Variants in RHBDD1 observed in about 807,000 individuals in gnomAD.
The protein encoded by RHBDD1 is rhomboid domain containing 1, also known as rhomboid-related protein 4.
RHBDD1 carries 38 observed loss-of-function variants against 36.3 expected under a neutral mutation model. The observed-to-expected ratio is 1.05, with a 90% CI of 0.81 to 1.37. The LOEUF (loss-of-function observed/expected upper bound fraction) is 1.37. Among genes scored for constraint, RHBDD1 ranks in the 40% most tolerant of loss-of-function variants. The pLI is 0.00. For missense variants in RHBDD1, 393 were observed against 377.6 expected (o/e 1.04, Z -0.34); for synonymous variants, 151 against 136.5 (o/e 1.11, Z -0.74).
chr2:226,866,094 G>A (rs193130054), intron 4 of RHBDD1, among the ~76,000 whole-genome samples: 20 of 73,266 alleles, frequency 2.7e-4, no homozygotes, highest in Admixed American at 1.3e-3. Flanking sequence ...TTTTTGAGAC[G>A]GAGTCTCGCT....
At chr2:226,915,088 G>A (rs1948804555) in intron 8 of RHBDD1, among the ~76,000 whole-genome samples, 1 of 152,030 alleles carries the variant, frequency 6.6e-6, no homozygotes, top group Non-Finnish European at 1.5e-5. Flanking sequence ...AACAATCTGT[G>A]TTTGGGCATA....
chr2:226,949,351 TGTTAG>T (rs1201338370), intron 8 of RHBDD1, among the ~76,000 whole-genome samples: 1 of 152,146 alleles, frequency 6.6e-6, no homozygotes, highest in Non-Finnish European at 1.5e-5. Flanking sequence ...AAGACCACTC[TGTTAG>T]GTTAGGGGAA....
At chr2:226,983,532 C>T (rs1956252208) in intron 8 of RHBDD1, among the ~76,000 whole-genome samples, 1 of 152,288 alleles carries the variant, frequency 6.6e-6, no homozygotes, top group African/African-American at 2.4e-5. Flanking sequence ...CCAGGGTGAC[C>T]TAAACTTGAC....
chr2:226,911,573 T>G (rs1034891075), intron 7 of RHBDD1, among the ~76,000 whole-genome samples: 5 of 144,924 alleles, frequency 3.5e-5, no homozygotes, highest in Non-Finnish European at 6.0e-5. Flanking sequence ...TAATAAGGAA[T>G]GAAAAGTAAG....
At chr2:226,823,660 T>G in the RHBDD1 span, among the ~76,000 whole-genome samples, 6,220 of 152,262 alleles carry the variant, frequency 0.041, 439 homozygotes, top group African/African-American at 0.14. Context: ...ACACCTATCT[T>G]AGTCCAATTT....
chr2:226,991,490 A>G (rs1023437424), intron 8 of RHBDD1, among the ~76,000 whole-genome samples: 6 of 152,198 alleles, frequency 3.9e-5, no homozygotes, highest in Non-Finnish European at 8.8e-5. Context: ...CATTTTGTAT[A>G]TCTCTTATAC....
the RHBDD1 span, among the ~76,000 whole-genome samples, chr2:226,811,283 G>A: frequency 1.3e-5 from 2 of 151,828 alleles, no homozygotes; most frequent in Admixed American, 6.6e-5. Context: ...TGGGGAAAGA[G>A]ATGATCCTAA....
chr2:226,968,625 C>A (rs947257447), intron 8 of RHBDD1, among the ~76,000 whole-genome samples: 1 of 152,188 alleles, frequency 6.6e-6, no homozygotes, highest in Non-Finnish European at 1.5e-5. Flanking sequence ...AAAAGAGCAT[C>A]GCACTTGGAG....
intron 4 of RHBDD1, 47 bp from the exon 5 acceptor site, chr2:226,867,139 C>T (rs773981566): frequency 1.3e-6 from 2 of 1,531,728 alleles, no homozygotes; most frequent in South Asian, 1.2e-5. Context: ...TGTTGATACT[C>T]CTACTTTTGG....
intron 8 of RHBDD1, among the ~76,000 whole-genome samples, chr2:226,927,771 C>T (rs948328183): frequency 2.0e-5 from 3 of 151,902 alleles, no homozygotes; most frequent in African/African-American, 7.2e-5. Context: ...GTTTCTGTTC[C>T]ATTATTTTGT....
At chr2:226,837,409 GGTT>G (rs1191673702) in intron 1 of RHBDD1, 3 of 152,196 alleles carry the variant, frequency 2.0e-5, no homozygotes, top group African/African-American at 7.2e-5. Flanking sequence ...GTGTAGTCAA[GGTT>G]GTTGGATGCA....
chr2:226,872,675 T>C (rs144307791), intron 5 of RHBDD1, among the ~76,000 whole-genome samples: 4 of 152,332 alleles, frequency 2.6e-5, no homozygotes, highest in African/African-American at 9.6e-5. Flanking sequence ...GTGCAGGTTT[T>C]AGTTTTCTTC....
At chr2:226,871,723 T>C (rs1222404683) in intron 5 of RHBDD1, among the ~76,000 whole-genome samples, 1 of 152,188 alleles carries the variant, frequency 6.6e-6, no homozygotes, top group Non-Finnish European at 1.5e-5. Context: ...AAACTGAAAG[T>C]TGGGTCTAAA....
chr2:226,984,176 C>G (rs759096014), intron 8 of RHBDD1, among the ~76,000 whole-genome samples: 3 of 152,268 alleles, frequency 2.0e-5, no homozygotes. Flanking sequence ...ACAGCCAGCA[C>G]CTGCTGAACT....
At chr2:226,976,347 CCCAAGT>C (rs1187685850) in intron 8 of RHBDD1, among the ~76,000 whole-genome samples, 1 of 150,452 alleles carries the variant, frequency 6.6e-6, no homozygotes, top group Non-Finnish European at 1.5e-5. Flanking sequence ...TCAGTGACTT[CCCAAGT>C]CCAAGTCGAG....
intron 1 of RHBDD1, among the ~76,000 whole-genome samples, chr2:226,836,514 G>A (rs1051823918): frequency 6.6e-6 from 1 of 152,236 alleles, no homozygotes; most frequent in Non-Finnish European, 1.5e-5. Flanking sequence ...ACAAGTCTAA[G>A]CCTCACCGCA....
chr2:226,957,453 C>T (rs1951856297), intron 8 of RHBDD1, among the ~76,000 whole-genome samples: 1 of 152,046 alleles, frequency 6.6e-6, no homozygotes, highest in South Asian at 2.1e-4. Flanking sequence ...GGCACAGTGG[C>T]TCATGACGCC....
intron 5 of RHBDD1, chr2:226,869,310 T>C (rs1191862837): frequency 7.9e-6 from 3 of 379,474 alleles, no homozygotes; most frequent in African/African-American, 6.6e-5. Flanking sequence ...GATAAACTTC[T>C]AATATACAAG....
chr2:226,865,153 C>T (rs1240304312), intron 4 of RHBDD1, 27 bp downstream of exon 4: 1 of 1,553,684 alleles, frequency 6.4e-7, no homozygotes, highest in Non-Finnish European at 8.8e-7. Flanking sequence ...TTTGAGGTTG[C>T]ATGCATAAAG....
Sources: allele counts gnomAD v4.1 joint callset (sites outside exome capture counted in the v4.1 genomes callset), GRCh38; gene constraint gnomAD v4.1.1; transcripts MANE v1.5; gene names NCBI Gene and HGNC (gene_info 2026-07-23, HGNC 2026-07-21).